Variants in HERC3 observed in about 807,000 individuals in gnomAD.
HERC3 encodes HECT and RLD domain containing E3 ubiquitin protein ligase 3.
HERC3 carries 58 observed loss-of-function variants against 129.9 expected under a neutral mutation model. The observed-to-expected ratio is 0.45, with a 90% CI of 0.36 to 0.56. HERC3 has a LOEUF of 0.56. Among genes scored for constraint, HERC3 ranks in the 20% least tolerant of loss-of-function variants. The probability of loss-of-function intolerance (pLI) is 0.00; values close to 1 mark genes in which losing one functional copy is unlikely to be tolerated. For missense variants in HERC3, 835 were observed against 1,244.2 expected (o/e 0.67, Z 4.95); for synonymous variants, 430 against 451.0 (o/e 0.95, Z 0.59).
intron 23 of HERC3, chr4:88,697,069 A>G (rs1734672271): frequency 1.2e-6 from 1 of 823,788 alleles, no homozygotes; most frequent in Non-Finnish European, 1.8e-6. Context: ...AATTTAATCT[A>G]TTTTAGGAAT....
At chr4:88,700,267 C>G (rs1421702418) in intron 23 of HERC3, among the ~76,000 whole-genome samples, 2 of 151,994 alleles carry the variant, frequency 1.3e-5, no homozygotes, top group African/African-American at 4.8e-5. Flanking sequence ...CTACAGGTTT[C>G]TCTATGAGCA....
intron 1 of HERC3, chr4:88,593,294 C>A: frequency 6.5e-6 from 1 of 152,820 alleles, no homozygotes; most frequent in Non-Finnish European, 1.5e-5. Flanking sequence ...CACGTCGGTG[C>A]GGACCGACGC....
chr4:88,545,427 A>ATTC, the HERC3 span, among the ~76,000 whole-genome samples: 2 of 118,684 alleles, frequency 1.7e-5, no homozygotes, highest in Non-Finnish European at 3.2e-5. Flanking sequence ...CCTTTTGAGA[A>ATTC]TTCTTTTTTT....
At chr4:88,697,063 T>TAGG in intron 23 of HERC3, 1 of 753,178 alleles carries the variant, frequency 1.3e-6, no homozygotes, top group East Asian at 2.9e-5. Flanking sequence ...TGCTTTAATT[T>TAGG]AATCTATTTT....
At chr4:88,600,701 A>T (rs1357259263) in intron 2 of HERC3, among the ~76,000 whole-genome samples, 2 of 152,198 alleles carry the variant, frequency 1.3e-5, no homozygotes, top group Non-Finnish European at 2.9e-5. Flanking sequence ...GGGAGGCCTC[A>T]CATACAGATC....
the HERC3 span, among the ~76,000 whole-genome samples, chr4:88,560,870 T>C: frequency 0.4 from 61,327 of 152,018 alleles, 14,759 homozygotes; most frequent in African/African-American, 0.68. Context: ...TCTCTTGGTG[T>C]CCTTGTCAAA....
the HERC3 span, among the ~76,000 whole-genome samples, chr4:88,554,734 AG>A: frequency 1.3e-5 from 2 of 152,236 alleles, no homozygotes; most frequent in Non-Finnish European, 2.9e-5. Flanking sequence ...ACTGGGAAAC[AG>A]ATAAGGCCTA....
chr4:88,655,401 A>G, intron 8 of HERC3, 97 bp downstream of exon 8: 1 of 1,365,812 alleles, frequency 7.3e-7, no homozygotes. Flanking sequence ...AGTCACCGTC[A>G]TTTTAAGAGA....
chr4:88,544,502 G>C, the HERC3 span, among the ~76,000 whole-genome samples: 22 of 152,304 alleles, frequency 1.4e-4, no homozygotes, highest in East Asian at 9.6e-4. Flanking sequence ...ATTGTGGAAG[G>C]CAGCATGGAG....
chr4:88,527,386 G>C, the HERC3 span, among the ~76,000 whole-genome samples: 4 of 151,706 alleles, frequency 2.6e-5, no homozygotes, highest in African/African-American at 7.3e-5. Flanking sequence ...TGAGTAGCTG[G>C]GACCATAGGC....
At position 88,707,632 on chromosome 4, in the gene HERC3, A is replaced by G. The variant is rs1324794105; in HGVS notation, c.*672A>G. On this transcript the variant is annotated 3_prime_UTR_variant, in exon 26 of 26. Coordinates refer to ENST00000402738, the MANE Select transcript of HERC3 (RefSeq NM_014606.3). ...TAGCAACTTTCCCATGGCTGTGCCT[A>G]TTTCCTAGACCTTTTAAAAGATGTG... is the stretch of plus-strand genomic sequence containing the variant. 1 of 152,246 alleles carries G rather than the reference A, an allele frequency of 6.6e-6. No homozygotes were observed. Among genetic ancestry groups the G allele is most frequent in the African/African-American group, 2.4e-5 (1 of 41,454 alleles). The allele number at this position is 152,246 out of a possible 1,614,324, so 9.4% of individuals were successfully genotyped here. A position where few individuals can be genotyped will look rare whatever the true frequency, so the allele number is the denominator to read the frequency against.
the HERC3 span, among the ~76,000 whole-genome samples, chr4:88,570,396 A>G: frequency 2.6e-5 from 4 of 152,228 alleles, no homozygotes; most frequent in African/African-American, 9.6e-5. Flanking sequence ...GAGGTTTACT[A>G]TCTTATACAA....
In HERC3 at chr4:88,679,068, G is replaced by A. The variant is rs531436246; in HGVS notation, c.2196+934G>A. ...ATCTTGAAGACAGCCACAAGTGTAA[G>A]CTTTGTTGAATGCTGTTTTTAGTTC... On this transcript the variant is annotated intron_variant, in intron 19 of 25. Coordinates refer to ENST00000402738, the MANE Select transcript of HERC3 (RefSeq NM_014606.3). Among the ~76,000 whole-genome samples the A allele has an allele frequency of 4.7e-4, 72 of 152,302 alleles. No homozygotes were observed. In the South Asian group the frequency reaches 0.014, roughly 31 times the overall value.
chr4:88,683,330 G>C (rs1164793194), intron 21 of HERC3, among the ~76,000 whole-genome samples: 2 of 152,128 alleles, frequency 1.3e-5, no homozygotes, highest in Non-Finnish European at 2.9e-5. Context: ...CCATAAATGA[G>C]AGTATCCCTC....
chr4:88,704,469 T>C (rs377078478), intron 24 of HERC3, 39 bp from the exon 25 acceptor site: 141 of 1,406,266 alleles, frequency 1.0e-4, no homozygotes, highest in Middle Eastern at 3.5e-4. Context: ...ATAATATTCT[T>C]CCAAGATACA....
the HERC3 span, among the ~76,000 whole-genome samples, chr4:88,533,883 GTTAT>G: frequency 2.0e-5 from 3 of 152,138 alleles, no homozygotes; most frequent in African/African-American, 7.2e-5. Flanking sequence ...AAAAAGAAAA[GTTAT>G]TTATGCTTGG....
At chr4:88,631,566 A>G (rs1726763302) in intron 3 of HERC3, among the ~76,000 whole-genome samples, 2 of 152,232 alleles carry the variant, frequency 1.3e-5, no homozygotes, top group African/African-American at 4.8e-5. Flanking sequence ...GGTCAGTAAT[A>G]CTTGGTATTA....
chr4:88,603,102 A>T (rs1453510018), intron 2 of HERC3, among the ~76,000 whole-genome samples: 2 of 152,090 alleles, frequency 1.3e-5, no homozygotes, highest in African/African-American at 4.8e-5. Context: ...GTTAGACACC[A>T]CTGTTCTCAA....
chr4:88,569,398 C>T, the HERC3 span, among the ~76,000 whole-genome samples: 3 of 152,200 alleles, frequency 2.0e-5, no homozygotes, highest in Non-Finnish European at 2.9e-5. Flanking sequence ...TTAAGTGCCT[C>T]TTTCCTTATA....
Sources: allele counts gnomAD v4.1 joint callset (sites outside exome capture counted in the v4.1 genomes callset), GRCh38; gene constraint gnomAD v4.1.1; transcripts MANE v1.5; gene names NCBI Gene and HGNC (gene_info 2026-07-23, HGNC 2026-07-21).